CHRM3: variants seen among roughly 807,000 people sequenced by gnomAD.
CHRM3 encodes the protein cholinergic receptor muscarinic 3.
Under a neutral mutation model 41.8 loss-of-function variants are expected in CHRM3, and 11 were observed. That is an observed-to-expected ratio of 0.26 (90% CI 0.17 to 0.44). The LOEUF is 0.44. CHRM3 is among the 20% of genes least tolerant of loss of function. The pLI is 1.00. For synonymous variants in CHRM3, 297 were observed against 301.4 expected, an observed-to-expected ratio of 0.99 and a Z score of 0.15; for missense variants, 571 against 745.4, an observed-to-expected ratio of 0.77 and a Z score of 2.72.
intron 3 of CHRM3, among the ~76,000 whole-genome samples, chr1:239,557,632 C>A (rs1325925813): frequency 6.6e-6 from 1 of 152,118 alleles, no homozygotes; most frequent in Non-Finnish European, 1.5e-5. Flanking sequence ...TGTTCTCCCC[C>A]ACCGCTCCAC....
At chr1:239,388,402 C>A (rs1469733774) in intron 1 of CHRM3, among the ~76,000 whole-genome samples, 1 of 152,158 alleles carries the variant, frequency 6.6e-6, no homozygotes, top group Non-Finnish European at 1.5e-5. Context: ...CCTGTCCCCT[C>A]CCCCCATTTT....
At chr1:239,722,703 T>G (rs1049848110) in intron 5 of CHRM3, among the ~76,000 whole-genome samples, 13 of 152,088 alleles carry the variant, frequency 8.5e-5, no homozygotes, top group African/African-American at 2.9e-4. Flanking sequence ...CATTTAGAAC[T>G]GAGTTAACAT....
intron 5 of CHRM3, among the ~76,000 whole-genome samples, chr1:239,817,691 T>C (rs563346451): frequency 4.0e-5 from 6 of 151,666 alleles, no homozygotes; most frequent in Admixed American, 3.9e-4. Flanking sequence ...CTCACAGTGC[T>C]CCCTCTACAC....
At chr1:239,891,354 T>G (rs1678534178) in intron 6 of CHRM3, among the ~76,000 whole-genome samples, 1 of 152,204 alleles carries the variant, frequency 6.6e-6, no homozygotes, top group Non-Finnish European at 1.5e-5. Context: ...TTTCTTTTTT[T>G]CCCTCTGAAT....
chr1:239,482,046 T>G (rs922179597), intron 1 of CHRM3, among the ~76,000 whole-genome samples: 1 of 152,204 alleles, frequency 6.6e-6, no homozygotes, highest in Non-Finnish European at 1.5e-5. Context: ...TTCTTTTTTC[T>G]ATTACAAAGG....
At chr1:239,538,452 T>A (rs1338913) in intron 2 of CHRM3, among the ~76,000 whole-genome samples, 6,291 of 152,278 alleles carry the variant, frequency 0.041, 444 homozygotes, top group African/African-American at 0.14. Context: ...GCTCTGATTC[T>A]TGAGAGGACT....
rs148302671 is a variant in CHRM3 at position 239,654,171 on chromosome 1, C to A, written c.-250+21885C>A. ...TTTTGGAGAGATGGGGGTCTCACTA[C>A]GTTACTCAGGATGGTCTCAAATTCC... On this transcript the variant is annotated intron_variant, in intron 4 of 6. Transcript: ENST00000676153. 2.8e-3 allele frequency among the ~76,000 whole-genome samples: 419 copies of A among 151,996 alleles called. 1 individual carries two copies. Among genetic ancestry groups the A allele is most frequent in the Middle Eastern group, 0.01 (3 of 292 alleles).
intron 4 of CHRM3, among the ~76,000 whole-genome samples, chr1:239,654,529 G>A (rs1360712697): frequency 6.6e-6 from 1 of 152,144 alleles, no homozygotes; most frequent in Non-Finnish European, 1.5e-5. Context: ...CTCCCGAGTA[G>A]CTGGGACTAC....
intron 2 of CHRM3, among the ~76,000 whole-genome samples, chr1:239,497,788 A>C (rs1173409226): frequency 6.6e-6 from 1 of 152,194 alleles, no homozygotes; most frequent in Admixed American, 6.5e-5. Flanking sequence ...AATTATTTAA[A>C]ACAATTAAGA....
intron 3 of CHRM3, among the ~76,000 whole-genome samples, chr1:239,574,859 T>A (rs1185727732): frequency 6.6e-6 from 1 of 152,044 alleles, no homozygotes; most frequent in Non-Finnish European, 1.5e-5. Flanking sequence ...TAACCTAGAA[T>A]ACCCTGTGGC....
At chr1:239,649,445 G>C (rs758051961) in intron 4 of CHRM3, among the ~76,000 whole-genome samples, 1 of 151,580 alleles carries the variant, frequency 6.6e-6, no homozygotes, top group Non-Finnish European at 1.5e-5. Context: ...TAGAAAAGAC[G>C]TAAGTCTGAT....
chr1:239,513,828 A>AT (rs910240076), intron 2 of CHRM3, among the ~76,000 whole-genome samples: 13 of 151,318 alleles, frequency 8.6e-5, no homozygotes, highest in East Asian at 1.9e-4. Context: ...CTGTGTCTAG[A>AT]TTTTTTTTTC....
At chr1:239,590,536 T>C (rs1353332245) in intron 3 of CHRM3, among the ~76,000 whole-genome samples, 3 of 152,224 alleles carry the variant, frequency 2.0e-5, no homozygotes, top group African/African-American at 7.2e-5. Context: ...TGAACTTTTA[T>C]AATTTTTTAA....
intron 2 of CHRM3, among the ~76,000 whole-genome samples, chr1:239,498,451 A>G (rs2148115889): frequency 6.6e-6 from 1 of 152,306 alleles, no homozygotes; most frequent in Non-Finnish European, 1.5e-5. Flanking sequence ...TTTCAATAAA[A>G]TTAAATTTCT....
chr1:239,729,775 A>T (rs751862711), intron 5 of CHRM3, among the ~76,000 whole-genome samples: 1 of 152,002 alleles, frequency 6.6e-6, no homozygotes, highest in Non-Finnish European at 1.5e-5. Context: ...TAAAAGATTC[A>T]TTCAAAATAC....
At chr1:239,638,632 G>T (rs558010410) in intron 4 of CHRM3, among the ~76,000 whole-genome samples, 189 of 152,042 alleles carry the variant, frequency 1.2e-3, no homozygotes, top group East Asian at 0.012. Context: ...CTTGTAAATT[G>T]GTTTGAGTTC....
intron 6 of CHRM3, among the ~76,000 whole-genome samples, chr1:239,852,383 T>A (rs1674766128): frequency 6.6e-6 from 1 of 152,160 alleles, no homozygotes; most frequent in South Asian, 2.1e-4. Flanking sequence ...AAAGTTCCTT[T>A]CAATATAATG....
At chr1:239,726,167 G>A (rs147566247) in intron 5 of CHRM3, among the ~76,000 whole-genome samples, 246 of 152,008 alleles carry the variant, frequency 1.6e-3, no homozygotes, top group African/African-American at 5.9e-3. Context: ...TCTGAAAAGC[G>A]TATTGACCTT....
At position 239,637,015 on chromosome 1, in the gene CHRM3, C is replaced by T. The variant is rs139682727; in HGVS notation, c.-250+4729C>T. ...GTGAAAGAAGTTCAGTTTGTATCCTCGGTATTAAAGGAAGAGAAAATAAAA... is the reference window on the plus strand; with the variant it reads ...GTGAAAGAAGTTCAGTTTGTATCCTTGGTATTAAAGGAAGAGAAAATAAAA... On this transcript the variant is annotated intron_variant, in intron 4 of 6. Transcript: ENST00000676153. Among the ~76,000 whole-genome samples the T allele has an allele frequency of 5.9e-5, 9 of 151,886 alleles. No homozygotes were observed. In the East Asian group the frequency reaches 1.2e-3, roughly 20 times the overall value.
Sources: gnomAD v4.1 joint callset for allele counts (sites outside exome capture counted in the v4.1 genomes callset) on GRCh38, gnomAD v4.1.1 for gene constraint, MANE v1.5 for transcripts, NCBI Gene and HGNC (gene_info 2026-07-23, HGNC 2026-07-21) for gene names.